Variants in LHX4 observed in about 807,000 individuals in gnomAD.
LHX4 encodes the protein LIM/homeobox protein Lhx4.
A neutral mutation model predicts 39.2 loss-of-function variants in LHX4; 16 were observed. The ratio of observed to expected loss-of-function variants is 0.41; its 90% CI spans 0.28 to 0.62. The LOEUF is 0.62. Among genes scored for constraint, LHX4 ranks in the 20% least tolerant of loss-of-function variants. The pLI, the probability that LHX4 is intolerant of heterozygous loss-of-function variation, is 0.33. For missense variants in LHX4, 439 were observed against 511.9 expected, an observed-to-expected ratio of 0.86 and a Z score of 1.37; for synonymous variants, 206 against 198.1, an observed-to-expected ratio of 1.04 and a Z score of -0.33.
intron 1 of LHX4, among the ~76,000 whole-genome samples, chr1:180,238,793 C>A (rs910385231): frequency 6.6e-6 from 1 of 152,152 alleles, no homozygotes; most frequent in South Asian, 2.1e-4. Context: ...GAACTATAAA[C>A]GGTTCAACAA....
At chr1:180,272,645 G>A (rs1435851600) in intron 5 of LHX4, 1 of 152,378 alleles carries the variant, frequency 6.6e-6, no homozygotes, top group Non-Finnish European at 1.5e-5. Flanking sequence ...TGTTTGCAAA[G>A]AATCATAACT....
At position 180,234,469 on chromosome 1, in the gene LHX4, G is replaced by A. The variant is rs533355053; in HGVS notation, c.76+3864G>A. Among the ~76,000 whole-genome samples the A allele has an allele frequency of 5.0e-4, 76 of 152,278 alleles. 2 individuals carry two copies. The highest frequency in any genetic ancestry group is 3.9e-3 in the Admixed American group (60 of 15,310). Reference sequence around the variant, plus strand: ...AAGAAGGGAGTTTGGAGAAACCCGGGTAAGCGCGGCAGCGCCCCGCTTGGG... The same window carrying A: ...AAGAAGGGAGTTTGGAGAAACCCGGATAAGCGCGGCAGCGCCCCGCTTGGG... On this transcript the variant is annotated intron_variant, in intron 1 of 5. Coordinates refer to ENST00000263726, the MANE Select transcript of LHX4 (RefSeq NM_033343.4). The surrounding 1 kb of genome is among the most constrained non-coding windows in gnomAD (Gnocchi z 4.8).
At chr1:180,270,915 G>A (rs1000163051) in intron 3 of LHX4, 3 of 249,286 alleles carry the variant, frequency 1.2e-5, no homozygotes, top group African/African-American at 6.7e-5. Context: ...CCAGGGCAAA[G>A]GTGACATGGC....
chr1:180,256,378 C>T (rs144404107), intron 2 of LHX4, among the ~76,000 whole-genome samples: 197 of 152,282 alleles, frequency 1.3e-3, no homozygotes, highest in Non-Finnish European at 2.2e-3. Context: ...CTCTGGTCCC[C>T]GGAGGCCTTC....
intron 1 of LHX4, among the ~76,000 whole-genome samples, chr1:180,239,707 T>A (rs1188876677): frequency 6.6e-6 from 1 of 152,236 alleles, no homozygotes; most frequent in Non-Finnish European, 1.5e-5. Flanking sequence ...GGGAAGCCCC[T>A]TATTCTCAGA....
At chr1:180,245,204 T>C (rs925465034) in intron 1 of LHX4, among the ~76,000 whole-genome samples, 1 of 152,214 alleles carries the variant, frequency 6.6e-6, no homozygotes, top group African/African-American at 2.4e-5. Flanking sequence ...ACTCAGCTCA[T>C]GCTGGAGAAA....
intron 1 of LHX4, among the ~76,000 whole-genome samples, chr1:180,235,443 C>A (rs1198078395): frequency 6.6e-6 from 1 of 152,258 alleles, no homozygotes; most frequent in African/African-American, 2.4e-5. Context: ...AGACCCATTT[C>A]GTTCCAAGCA....
intron 1 of LHX4, among the ~76,000 whole-genome samples, chr1:180,247,733 A>T (rs1408524893): frequency 2.0e-5 from 3 of 151,884 alleles, no homozygotes; most frequent in Non-Finnish European, 4.4e-5. Flanking sequence ...AAATATTGAG[A>T]TTTTCTCTAC....
Position 180,271,370 on chromosome 1 carries a change from T to C in LHX4, c.452-10T>C. 6.2e-7 allele frequency: 1 copy of C among 1,614,168 alleles called. No individual in the cohort carries two copies. The highest frequency in any genetic ancestry group is 1.1e-5 in the South Asian group (1 of 91,082). ...GGCCGAAGCCAGTAAGCAGTGGTTT[T>C]TCCTTGCAGATGACTCAGAGGCTGG... is the stretch of plus-strand genomic sequence containing the variant. On this transcript the variant is annotated splice_polypyrimidine_tract_variant and intron_variant, in intron 3 of 5. Transcript: ENST00000263726.
rs1377216309 is a variant in LHX4, at chr1:180,232,116, C to T, written c.76+1511C>T. On this transcript the variant is annotated intron_variant, in intron 1 of 5. Transcript: ENST00000263726. The surrounding 1 kb of genome is among the most constrained non-coding windows in gnomAD (Gnocchi z 5.4). ...GGCAGGGACAGAGTGGGTTCTCAGC[C>T]CCTGCAAAGACGGAAACAGAAACCC... is the stretch of plus-strand genomic sequence containing the variant. Among the ~76,000 whole-genome samples the T allele has an allele frequency of 4.6e-5, 7 of 152,144 alleles. No homozygotes were observed. Among genetic ancestry groups the T allele is most frequent in the Non-Finnish European group, 1.0e-4 (7 of 68,026 alleles).
At chr1:180,248,913 C>T (rs1038156525) in intron 2 of LHX4, among the ~76,000 whole-genome samples, 2 of 152,228 alleles carry the variant, frequency 1.3e-5, no homozygotes, top group Non-Finnish European at 2.9e-5. Flanking sequence ...TTTGCACAGC[C>T]TGCTTCAAGG....
rs138054044 is a variant in LHX4, at chr1:180,274,605, C to T, written c.*26C>T. The T allele has an allele frequency of 4.0e-3, 6,184 of 1,535,252 alleles. 370 individuals carry two copies. In the Admixed American group the frequency reaches 0.09, roughly 22 times the overall value. ...ACTTCTCTCCTCCCCACCCTACCTG[C>T]CCCCCTGGCTTGAGAGAATATCTTC... is the stretch of plus-strand genomic sequence containing the variant. On this transcript the variant is annotated 3_prime_UTR_variant, in exon 6 of 6. Transcript: ENST00000263726.
At position 180,266,578 on chromosome 1, in the gene LHX4, G is replaced by A. The variant is rs143957546; in HGVS notation, c.435G>A (p.Glu145=). 10 of 1,614,064 alleles carry A rather than the reference G, an allele frequency of 6.2e-6. No individual in the cohort carries two copies. Among genetic ancestry groups the A allele is most frequent in the Non-Finnish European group, 7.6e-6 (9 of 1,179,992 alleles). ...GGCTGGTGTGCAAGGAAGACTACGA[G>A]ACAGCCAAGCAGAACGGTAAGCAGC... ...DGRLVCKEDY[E]TAKQNDDSEA... is the part of the protein sequence containing the mutation. Residue 145 remains glutamate, a synonymous_variant, in exon 3 of 6, where the codon GAG becomes GAA. Coordinates refer to ENST00000263726, the MANE Select transcript of LHX4 (RefSeq NM_033343.4). The surrounding 1 kb of genome is among the most constrained non-coding windows in gnomAD (Gnocchi z 5.7).
intron 5 of LHX4, chr1:180,273,547 T>C (rs557165856): frequency 6.6e-6 from 1 of 152,634 alleles, no homozygotes; most frequent in East Asian, 1.9e-4. Context: ...GTGGCAAAGA[T>C]TCCATTAGAT....
intron 1 of LHX4, among the ~76,000 whole-genome samples, chr1:180,233,512 TC>T (rs1288211320): frequency 6.6e-6 from 1 of 152,192 alleles, no homozygotes; most frequent in African/African-American, 2.4e-5. Flanking sequence ...GCGAGAGCCT[TC>T]CGAGCCGCCT....
chr1:180,267,820 A>T (rs192581439), intron 3 of LHX4, among the ~76,000 whole-genome samples: 10 of 152,304 alleles, frequency 6.6e-5, no homozygotes, highest in Non-Finnish European at 1.0e-4. Flanking sequence ...TTTTTTGTTC[A>T]TTGAACACAG....
chr1:180,274,121 T>C, intron 5 of LHX4, 64 bp from the exon 6 acceptor site: 2 of 1,598,720 alleles, frequency 1.3e-6, no homozygotes, highest in Non-Finnish European at 1.7e-6. Flanking sequence ...TCCTAGGTTG[T>C]GAAGAGCAGG....
intron 4 of LHX4, 49 bp downstream of exon 4, chr1:180,271,583 AG>A: frequency 6.2e-7 from 1 of 1,604,172 alleles, no homozygotes; most frequent in South Asian, 1.1e-5. Context: ...GGCCCGGGAC[AG>A]GGGTGGAAGG....
intron 1 of LHX4, among the ~76,000 whole-genome samples, chr1:180,242,407 AT>A (rs1664462461): frequency 6.6e-6 from 1 of 150,848 alleles, no homozygotes; most frequent in South Asian, 2.1e-4. Flanking sequence ...TTTATTTGTG[AT>A]TGTGTTTCTC....
Sources: gnomAD v4.1 joint callset for allele counts (sites outside exome capture counted in the v4.1 genomes callset) on GRCh38, gnomAD v4.1.1 for gene constraint, Gnocchi (gnomAD v3.1) non-coding constraint, MANE v1.5 for transcripts, NCBI Gene and HGNC (gene_info 2026-07-23, HGNC 2026-07-21) for gene names.